The following TAFA1 variants were observed in gnomAD, a reference collection of about 807,000 sequenced individuals.
The protein encoded by TAFA1 is chemokine-like protein TAFA-1.
In TAFA1, 4 loss-of-function variants were observed where a neutral mutation model predicts 18.5. The ratio of observed to expected loss-of-function variants is 0.22; its 90% CI spans 0.11 to 0.49. The LOEUF is 0.49. Ranked by LOEUF, TAFA1 falls within the 20% of genes least tolerant of loss-of-function variation. The pLI, the probability that TAFA1 is intolerant of heterozygous loss-of-function variation, is 0.98. For missense variants in TAFA1, 147 were observed against 169.0 expected (o/e 0.87, Z 0.72); for synonymous variants, 56 against 55.2 (o/e 1.01, Z -0.06).
At chr3:68,390,007 C>A (rs893988922) in intron 2 of TAFA1, among the ~76,000 whole-genome samples, 1 of 152,086 alleles carries the variant, frequency 6.6e-6, no homozygotes, top group Admixed American at 6.6e-5. Context: ...CAGTGACAAC[C>A]GTTCACTCCC....
At chr3:67,998,201 A>C in the TAFA1 span, among the ~76,000 whole-genome samples, 2 of 152,198 alleles carry the variant, frequency 1.3e-5, no homozygotes, top group Non-Finnish European at 2.9e-5. Context: ...ATGACTTTTA[A>C]AATTTTTAGT....
At position 68,338,344 on chromosome 3, in the gene TAFA1, G is replaced by A. The variant is rs1252278212; in HGVS notation, c.119-78936G>A. Among the ~76,000 whole-genome samples, 8 of 152,274 alleles carry A rather than the reference G, an allele frequency of 5.3e-5. No homozygotes were observed. The South Asian group carries it at 1.7e-3, about 32-fold the overall frequency. ...CAGTACTGAATACGTTGCCTTGTAG[G>A]TGGTTTTGTTTTATTAGTGGTTTCT... On this transcript the variant is annotated intron_variant, in intron 2 of 4. Transcript: ENST00000478136.
chr3:68,262,689 G>A (rs2067459559), intron 2 of TAFA1, among the ~76,000 whole-genome samples: 1 of 152,016 alleles, frequency 6.6e-6, no homozygotes, highest in Non-Finnish European at 1.5e-5. Context: ...CCACTGATGG[G>A]CACCTAGGTT....
chr3:67,999,226 G>T, the TAFA1 span, among the ~76,000 whole-genome samples: 1 of 149,936 alleles, frequency 6.7e-6, no homozygotes, highest in Non-Finnish European at 1.5e-5. Context: ...ACTGCCGAAA[G>T]TTCTCTTGAA....
intron 3 of TAFA1, among the ~76,000 whole-genome samples, chr3:68,478,274 C>T (rs1172912800): frequency 6.6e-6 from 1 of 152,138 alleles, no homozygotes; most frequent in Non-Finnish European, 1.5e-5. Flanking sequence ...GCTCAAGGCA[C>T]CTGTGCATAT....
At chr3:68,037,225 G>A (rs886504701) in intron 2 of TAFA1, among the ~76,000 whole-genome samples, 1 of 152,190 alleles carries the variant, frequency 6.6e-6, no homozygotes, top group Non-Finnish European at 1.5e-5. Flanking sequence ...GCATGAATGA[G>A]CACAGTGTGT....
chr3:68,404,211 C>T (rs752640710), intron 2 of TAFA1, among the ~76,000 whole-genome samples: 1 of 152,154 alleles, frequency 6.6e-6, no homozygotes, highest in African/African-American at 2.4e-5. Flanking sequence ...GCAGTTGAAA[C>T]CCAGTCAATG....
chr3:68,275,671 G>A (rs941883887), intron 2 of TAFA1, among the ~76,000 whole-genome samples: 8 of 151,998 alleles, frequency 5.3e-5, no homozygotes, highest in African/African-American at 7.2e-5. Context: ...ACATTTGAAC[G>A]GAGACCTGAA....
chr3:68,463,975 T>C (rs896302607), intron 3 of TAFA1, among the ~76,000 whole-genome samples: 1 of 152,232 alleles, frequency 6.6e-6, no homozygotes, highest in African/African-American at 2.4e-5. Flanking sequence ...GATAACTTTT[T>C]ACATTAATTT....
At chr3:68,002,202 G>C (rs1260076496), upstream of TAFA1, among the ~76,000 whole-genome samples, 1 of 152,136 alleles carries the variant, frequency 6.6e-6, no homozygotes, top group East Asian at 1.9e-4. Flanking sequence ...ATCATTGGCT[G>C]CAATGCAATG....
intron 2 of TAFA1, among the ~76,000 whole-genome samples, chr3:68,393,736 C>T (rs963658064): frequency 2.0e-5 from 3 of 152,140 alleles, no homozygotes; most frequent in Non-Finnish European, 4.4e-5. Context: ...TATAATCCAT[C>T]ACAGAAACAG....
At chr3:68,157,867 T>G (rs950577276) in intron 2 of TAFA1, among the ~76,000 whole-genome samples, 1 of 152,186 alleles carries the variant, frequency 6.6e-6, no homozygotes, top group African/African-American at 2.4e-5. Context: ...GTTTGAAGGA[T>G]TTGAGTTATA....
chr3:68,015,578 G>A (rs1314450288), intron 2 of TAFA1, among the ~76,000 whole-genome samples: 1 of 152,090 alleles, frequency 6.6e-6, no homozygotes, highest in Non-Finnish European at 1.5e-5. Context: ...GTGAGCCACC[G>A]TGCCCAGCCT....
chr3:68,057,159 T>C (rs2106716972), intron 2 of TAFA1, among the ~76,000 whole-genome samples: 2 of 152,310 alleles, frequency 1.3e-5, no homozygotes, highest in Middle Eastern at 6.8e-3. Context: ...TATTTCACCC[T>C]CTTGAATTGG....
intron 1 of TAFA1, 145 bp from the exon 2 acceptor site, chr3:68,006,479 C>CTTTCTCTCA (rs1454426253): frequency 1.6e-6 from 1 of 621,614 alleles, no homozygotes; most frequent in Non-Finnish European, 3.0e-6. Flanking sequence ...CACTTCATGG[C>CTTTCTCTCA]ATGACCTCTG....
chr3:68,234,834 A>G (rs1441027574), intron 2 of TAFA1, among the ~76,000 whole-genome samples: 1 of 152,232 alleles, frequency 6.6e-6, no homozygotes, highest in Non-Finnish European at 1.5e-5. Context: ...ACATAAAGGC[A>G]AAGTGGCAGA....
chr3:68,075,448 A>G (rs748141415), intron 2 of TAFA1, among the ~76,000 whole-genome samples: 1 of 152,330 alleles, frequency 6.6e-6, no homozygotes, highest in Admixed American at 6.5e-5. Context: ...ATTTTACTTC[A>G]GTGGAATTAT....
At chr3:68,544,407 C>T (rs1198601219) in intron 4 of TAFA1, 79 bp from the exon 5 acceptor site, 2 of 1,446,154 alleles carry the variant, frequency 1.4e-6, no homozygotes, top group Non-Finnish European at 9.6e-7. Context: ...AGGTGTCCTC[C>T]TTTTCTACAT....
chr3:68,221,545 T>A (rs2066731003), intron 2 of TAFA1, among the ~76,000 whole-genome samples: 1 of 152,216 alleles, frequency 6.6e-6, no homozygotes, highest in Non-Finnish European at 1.5e-5. Flanking sequence ...TCTCCCAATA[T>A]TGTTTCTGTT....
Sources: allele counts gnomAD v4.1 joint callset (sites outside exome capture counted in the v4.1 genomes callset), GRCh38; gene constraint gnomAD v4.1.1; transcripts MANE v1.5; gene names NCBI Gene and HGNC (gene_info 2026-07-23, HGNC 2026-07-21).